MEI4: variants seen among roughly 807,000 people sequenced by gnomAD.
The protein encoded by MEI4 is meiotic double-stranded break formation protein 4, also known as meiosis-specific protein MEI4.
In MEI4, 27 loss-of-function variants were observed where a neutral mutation model predicts 31.4. The observed-to-expected ratio is 0.86, with a 90% CI of 0.63 to 1.19. The LOEUF (loss-of-function observed/expected upper bound fraction) is 1.19, where lower values mean the gene tolerates loss of function less well. MEI4 is among the 50% of genes most tolerant of loss of function. The probability of loss-of-function intolerance (pLI) is 0.00; values close to 1 mark genes in which losing one functional copy is unlikely to be tolerated. For missense variants in MEI4, 329 were observed against 398.9 expected, an observed-to-expected ratio of 0.82 and a Z score of 1.49; for synonymous variants, 122 against 145.4, an observed-to-expected ratio of 0.84 and a Z score of 1.16.
intron 3 of MEI4, among the ~76,000 whole-genome samples, chr6:77,812,698 G>A (rs1769603474): frequency 6.6e-6 from 1 of 152,066 alleles, no homozygotes; most frequent in East Asian, 1.9e-4. Context: ...CACCACAAAA[G>A]TGAGCCTTTG....
intron 2 of MEI4, among the ~76,000 whole-genome samples, chr6:77,751,856 G>A (rs766885578): frequency 3.3e-5 from 5 of 151,978 alleles, no homozygotes; most frequent in Non-Finnish European, 5.9e-5. Context: ...ACATCAACAC[G>A]AAAATCCTCA....
At chr6:77,754,432 G>A (rs1001786927) in intron 2 of MEI4, among the ~76,000 whole-genome samples, 1 of 152,102 alleles carries the variant, frequency 6.6e-6, no homozygotes, top group Non-Finnish European at 1.5e-5. Flanking sequence ...AGGCTTTACT[G>A]TTTACATCAC....
chr6:77,864,036 A>G (rs1770947318), intron 4 of MEI4, among the ~76,000 whole-genome samples: 1 of 152,204 alleles, frequency 6.6e-6, no homozygotes, highest in Admixed American at 6.5e-5. Context: ...ATGCTGAGAG[A>G]TTTTGTCACC....
intron 4 of MEI4, among the ~76,000 whole-genome samples, chr6:77,910,085 A>T (rs1581971935): frequency 6.6e-6 from 1 of 152,132 alleles, no homozygotes; most frequent in Non-Finnish European, 1.5e-5. Flanking sequence ...TCTATGACAA[A>T]CCCACAGCCA....
At chr6:77,902,976 A>G (rs1766216621) in intron 4 of MEI4, among the ~76,000 whole-genome samples, 1 of 152,146 alleles carries the variant, frequency 6.6e-6, no homozygotes, top group Admixed American at 6.6e-5. Context: ...TTTCTAAATT[A>G]ACTGAGACCT....
intron 1 of MEI4, among the ~76,000 whole-genome samples, chr6:77,660,009 T>G (rs2127641901): frequency 6.6e-6 from 1 of 152,288 alleles, no homozygotes; most frequent in Middle Eastern, 3.4e-3. Flanking sequence ...GTGAAATGTC[T>G]GGGGAAGTCT....
intron 4 of MEI4, among the ~76,000 whole-genome samples, chr6:77,882,490 G>A (rs555704275): frequency 6.6e-6 from 1 of 152,180 alleles, no homozygotes; most frequent in East Asian, 1.9e-4. Context: ...TGTTGGAGTT[G>A]CATGGTTTTT....
intron 3 of MEI4, among the ~76,000 whole-genome samples, chr6:77,796,137 T>C (rs1266793473): frequency 6.6e-6 from 1 of 152,196 alleles, no homozygotes; most frequent in Non-Finnish European, 1.5e-5. Flanking sequence ...AAAATCATGA[T>C]TGATCACACA....
At chr6:77,680,347 A>G (rs1199255892) in intron 1 of MEI4, among the ~76,000 whole-genome samples, 1 of 151,960 alleles carries the variant, frequency 6.6e-6, no homozygotes, top group Admixed American at 6.6e-5. Context: ...AGTGGTACTC[A>G]GTGGGGTAGT....
At chr6:77,658,199 G>A (rs372805268) in intron 1 of MEI4, among the ~76,000 whole-genome samples, 1 of 152,176 alleles carries the variant, frequency 6.6e-6, no homozygotes, top group African/African-American at 2.4e-5. Flanking sequence ...TGTTTTGCGG[G>A]CAGGGGGTGG....
At chr6:77,837,590 A>G (rs1013616094) in intron 4 of MEI4, among the ~76,000 whole-genome samples, 2 of 152,206 alleles carry the variant, frequency 1.3e-5, no homozygotes, top group Non-Finnish European at 2.9e-5. Context: ...GCTTTTGTAA[A>G]TAAAGTTTTA....
At chr6:77,688,366 T>A (rs1242835969) in intron 1 of MEI4, among the ~76,000 whole-genome samples, 1 of 152,118 alleles carries the variant, frequency 6.6e-6, no homozygotes, top group Non-Finnish European at 1.5e-5. Context: ...AACCTCTTTA[T>A]TAGCAATTAT....
chr6:77,733,277 A>G (rs2127668848), intron 2 of MEI4, among the ~76,000 whole-genome samples: 1 of 152,056 alleles, frequency 6.6e-6, no homozygotes, highest in Non-Finnish European at 1.5e-5. Context: ...TTGGTTGGTA[A>G]GCTATTGATT....
intron 2 of MEI4, among the ~76,000 whole-genome samples, chr6:77,760,450 A>G (rs1768016926): frequency 1.3e-5 from 2 of 149,762 alleles, no homozygotes; most frequent in South Asian, 2.1e-4. Flanking sequence ...CATGTCTTAT[A>G]TTATCTTTTA....
intron 3 of MEI4, among the ~76,000 whole-genome samples, chr6:77,793,444 T>C (rs1223201920): frequency 6.6e-6 from 1 of 152,162 alleles, no homozygotes; most frequent in Non-Finnish European, 1.5e-5. Flanking sequence ...TGAAAATACA[T>C]GAAATGATAA....
At chr6:77,748,685 A>T (rs1483400721) in intron 2 of MEI4, among the ~76,000 whole-genome samples, 1 of 152,174 alleles carries the variant, frequency 6.6e-6, no homozygotes, top group Non-Finnish European at 1.5e-5. Flanking sequence ...GCTGGCTTGA[A>T]TTTCTCCCAA....
At chr6:77,705,268 A>T (rs1156603980) in intron 2 of MEI4, among the ~76,000 whole-genome samples, 1 of 152,178 alleles carries the variant, frequency 6.6e-6, no homozygotes, top group East Asian at 1.9e-4. Flanking sequence ...CATACACTGG[A>T]AACCAGTAGA....
At chr6:77,727,312 T>C (rs1011109904) in intron 2 of MEI4, among the ~76,000 whole-genome samples, 3 of 152,232 alleles carry the variant, frequency 2.0e-5, no homozygotes, top group Admixed American at 6.5e-5. Flanking sequence ...TTCAGCGCTT[T>C]GGAGAAACAC....
chr6:77,899,614 G>A (rs1264028975), intron 4 of MEI4, among the ~76,000 whole-genome samples: 2 of 152,040 alleles, frequency 1.3e-5, no homozygotes, highest in African/African-American at 4.8e-5. Flanking sequence ...ACCTACATTG[G>A]ATATTTTCCA....
Sources: allele counts gnomAD v4.1 joint callset (sites outside exome capture counted in the v4.1 genomes callset), GRCh38; gene constraint gnomAD v4.1.1; transcripts MANE v1.5; gene names NCBI Gene and HGNC (gene_info 2026-07-23, HGNC 2026-07-21).